STAC: variants seen among roughly 807,000 people sequenced by gnomAD.
STAC encodes SH3 and cysteine rich domain, also known as SH3 and cysteine-rich domain-containing protein.
STAC carries 43 observed loss-of-function variants against 48.8 expected under a neutral mutation model. The observed-to-expected ratio is 0.88, with a 90% CI of 0.69 to 1.14. The LOEUF (loss-of-function observed/expected upper bound fraction) is 1.14. Among genes scored for constraint, STAC ranks in the 50% most tolerant of loss-of-function variants. STAC has a pLI of 0.00. For missense variants in STAC, 497 were observed against 504.0 expected, an observed-to-expected ratio of 0.99 and a Z score of 0.13; for synonymous variants, 193 against 179.5, an observed-to-expected ratio of 1.07 and a Z score of -0.60.
chr3:36,500,061 TTC>T (rs1698246212), intron 6 of STAC, among the ~76,000 whole-genome samples: 1 of 152,168 alleles, frequency 6.6e-6, no homozygotes, highest in African/African-American at 2.4e-5. Flanking sequence ...TTATTCCAAA[TTC>T]TTGAGTGATT....
chr3:36,445,075 T>TGG (rs1696470933), intron 2 of STAC, among the ~76,000 whole-genome samples: 1 of 152,222 alleles, frequency 6.6e-6, no homozygotes, highest in African/African-American at 2.4e-5. Context: ...TAGGTGATGA[T>TGG]GAGCCTCTAT....
At chr3:36,504,642 A>C (rs1698356515) in intron 7 of STAC, among the ~76,000 whole-genome samples, 185 bp downstream of exon 7, 1 of 152,176 alleles carries the variant, frequency 6.6e-6, no homozygotes, top group South Asian at 2.1e-4. Context: ...ATAAAAGGTA[A>C]AAAGAGTAAG....
At chr3:36,420,942 A>G (rs1700435322) in intron 1 of STAC, among the ~76,000 whole-genome samples, 2 of 152,124 alleles carry the variant, frequency 1.3e-5, no homozygotes, top group African/African-American at 2.4e-5. Context: ...ATATTTCCCA[A>G]TGCTTTTGTT....
At chr3:36,456,420 G>A (rs1193092920) in intron 2 of STAC, among the ~76,000 whole-genome samples, 1 of 152,038 alleles carries the variant, frequency 6.6e-6, no homozygotes, top group Non-Finnish European at 1.5e-5. Flanking sequence ...TATCTAATAG[G>A]TGTGTTGTCA....
intron 8 of STAC, among the ~76,000 whole-genome samples, chr3:36,507,227 G>T (rs1258792413): frequency 6.6e-6 from 1 of 152,194 alleles, no homozygotes. Flanking sequence ...TATGTTTATT[G>T]ATTTGTGTAT....
intron 2 of STAC, 115 bp from the exon 3 acceptor site, chr3:36,482,877 C>A: frequency 1.5e-6 from 1 of 670,570 alleles, no homozygotes; most frequent in Middle Eastern, 2.5e-4. Flanking sequence ...TTGAAAGCTT[C>A]ATGAAAAAGT....
intron 10 of STAC, among the ~76,000 whole-genome samples, chr3:36,534,998 G>A (rs924736880): frequency 1.3e-5 from 2 of 152,006 alleles, no homozygotes; most frequent in African/African-American, 2.4e-5. Context: ...TTATTAAATC[G>A]ACTTTAAAAT....
chr3:36,468,748 A>ATG (rs1319667238), intron 2 of STAC, among the ~76,000 whole-genome samples: 56 of 138,844 alleles, frequency 4.0e-4, no homozygotes, highest in African/African-American at 1.5e-3. Flanking sequence ...TAAAATACAT[A>ATG]TATGTGTGTG....
intron 2 of STAC, among the ~76,000 whole-genome samples, chr3:36,477,503 C>CTA (rs1026617166): frequency 1.3e-5 from 2 of 151,890 alleles, no homozygotes; most frequent in African/African-American, 4.8e-5. Context: ...TTGATGCATG[C>CTA]TATTTAGTGT....
At chr3:36,410,150 G>A (rs1030279017) in intron 1 of STAC, among the ~76,000 whole-genome samples, 1 of 152,118 alleles carries the variant, frequency 6.6e-6, no homozygotes, top group African/African-American at 2.4e-5. Flanking sequence ...CATTACAAAG[G>A]CAGGTGAGAC....
At chr3:36,403,504 G>A (rs1700036728) in intron 1 of STAC, among the ~76,000 whole-genome samples, 1 of 150,266 alleles carries the variant, frequency 6.7e-6, no homozygotes, top group African/African-American at 2.4e-5. Flanking sequence ...TAAAAATTCA[G>A]TAGAAAAAAA....
chr3:36,456,947 C>A (rs531975800), intron 2 of STAC, among the ~76,000 whole-genome samples: 51 of 152,358 alleles, frequency 3.3e-4, no homozygotes, highest in African/African-American at 1.2e-3. Flanking sequence ...ACTTAATATA[C>A]TGCTGACATA....
At chr3:36,416,687 T>C (rs1213356004) in intron 1 of STAC, among the ~76,000 whole-genome samples, 4 of 152,172 alleles carry the variant, frequency 2.6e-5, no homozygotes, top group South Asian at 2.1e-4. Context: ...ATATGTATTA[T>C]GCATATATTA....
chr3:36,427,682 C>T (rs547656992), intron 1 of STAC, among the ~76,000 whole-genome samples: 3 of 152,236 alleles, frequency 2.0e-5, no homozygotes, highest in Non-Finnish European at 4.4e-5. Context: ...GTGCCAGGCT[C>T]AGTTTGAGAT....
At chr3:36,407,224 A>G (rs1487389769) in intron 1 of STAC, among the ~76,000 whole-genome samples, 1 of 152,254 alleles carries the variant, frequency 6.6e-6, no homozygotes, top group Non-Finnish European at 1.5e-5. Flanking sequence ...TGAGTAGGCC[A>G]GATGTTAGTA....
intron 2 of STAC, among the ~76,000 whole-genome samples, chr3:36,453,265 C>A (rs1696738465): frequency 6.6e-6 from 1 of 152,264 alleles, no homozygotes; most frequent in Non-Finnish European, 1.5e-5. Flanking sequence ...GCCCTTCAGC[C>A]CGCCGCTGCA....
intron 10 of STAC, among the ~76,000 whole-genome samples, chr3:36,536,378 G>C (rs769791542): frequency 3.2e-4 from 48 of 152,134 alleles, no homozygotes; most frequent in Admixed American, 1.6e-3. Flanking sequence ...AAACAGCATG[G>C]TACTGGTACA....
At chr3:36,412,419 C>T (rs1370805528) in intron 1 of STAC, among the ~76,000 whole-genome samples, 1 of 151,228 alleles carries the variant, frequency 6.6e-6, no homozygotes, top group Non-Finnish European at 1.5e-5. Flanking sequence ...ATTGCTGTTC[C>T]AAGAAAAATA....
chr3:36,519,549 G>A (rs1698752144), intron 8 of STAC, among the ~76,000 whole-genome samples: 3 of 152,192 alleles, frequency 2.0e-5, no homozygotes, highest in Admixed American at 6.5e-5. Flanking sequence ...ATCAGCAAGA[G>A]TAGGTAACAC....
Sources: allele counts gnomAD v4.1 joint callset (sites outside exome capture counted in the v4.1 genomes callset), GRCh38; gene constraint gnomAD v4.1.1; transcripts MANE v1.5; gene names NCBI Gene and HGNC (gene_info 2026-07-23, HGNC 2026-07-21).